RERE: variants seen among roughly 807,000 people sequenced by gnomAD.
The protein encoded by RERE is arginine-glutamic acid dipeptide repeats, also known as arginine-glutamic acid dipeptide repeats protein.
Under a neutral mutation model 146.1 loss-of-function variants are expected in RERE, and 40 were observed. The observed-to-expected ratio is 0.27, with a 90% CI of 0.21 to 0.36. The LOEUF (loss-of-function observed/expected upper bound fraction) is 0.36. RERE is among the 10% of genes least tolerant of loss of function. The probability of loss-of-function intolerance (pLI) is 1.00; values close to 1 mark genes in which losing one functional copy is unlikely to be tolerated. For synonymous variants in RERE, 1,003 were observed against 866.0 expected (o/e 1.16, Z -2.78); for missense variants, 1,933 against 2,138.7 (o/e 0.90, Z 1.90).
At chr1:8,773,366 A>G (rs1323372058) in intron 1 of RERE, among the ~76,000 whole-genome samples, 2 of 152,216 alleles carry the variant, frequency 1.3e-5, no homozygotes, top group African/African-American at 4.8e-5. Flanking sequence ...ATATGTCTTC[A>G]TAACAACTCT....
intron 1 of RERE, among the ~76,000 whole-genome samples, chr1:8,736,707 T>A (rs188705629): frequency 1.4e-4 from 22 of 152,254 alleles, no homozygotes; most frequent in Admixed American, 7.8e-4. Flanking sequence ...TTCCATCATT[T>A]TACCCAAGGG....
At chr1:8,761,794 T>C (rs571120488) in intron 1 of RERE, among the ~76,000 whole-genome samples, 3 of 152,176 alleles carry the variant, frequency 2.0e-5, no homozygotes, top group Admixed American at 2.0e-4. Context: ...TGGTGGTGCA[T>C]GCCTGTAATC....
intron 7 of RERE, among the ~76,000 whole-genome samples, chr1:8,540,706 G>GCT (rs1428126695): frequency 1.3e-5 from 2 of 152,178 alleles, no homozygotes; most frequent in African/African-American, 4.8e-5. Flanking sequence ...TTACCAAGAT[G>GCT]TTTTGAGAAC....
chr1:8,591,099 ACT>A (rs1646487062), intron 4 of RERE, among the ~76,000 whole-genome samples: 1 of 152,120 alleles, frequency 6.6e-6, no homozygotes. Flanking sequence ...TCCAACTGAG[ACT>A]CTGAAGAGAA....
intron 4 of RERE, among the ~76,000 whole-genome samples, chr1:8,563,306 G>C (rs1169365162): frequency 6.6e-6 from 1 of 152,186 alleles, no homozygotes; most frequent in African/African-American, 2.4e-5. Context: ...AATCGAGGGG[G>C]TATCTGGATA....
chr1:8,527,975 A>G (rs1278009144), intron 7 of RERE, among the ~76,000 whole-genome samples: 1 of 152,178 alleles, frequency 6.6e-6, no homozygotes, highest in Non-Finnish European at 1.5e-5. Context: ...CTCTCTGGGG[A>G]ACTGCACCTC....
At chr1:8,413,196 T>C (rs1047981179) in intron 12 of RERE, among the ~76,000 whole-genome samples, 7 of 152,054 alleles carry the variant, frequency 4.6e-5, no homozygotes, top group Admixed American at 4.6e-4. Flanking sequence ...CATAAAGAGG[T>C]ATTAAAATGA....
At chr1:8,803,710 A>G (rs1641632218) in intron 1 of RERE, among the ~76,000 whole-genome samples, 2 of 150,624 alleles carry the variant, frequency 1.3e-5, no homozygotes, top group Non-Finnish European at 2.9e-5. Context: ...CTACAGGTGC[A>G]CACCACCATG....
At chr1:8,742,438 C>T (rs768106510) in intron 1 of RERE, among the ~76,000 whole-genome samples, 9 of 152,088 alleles carry the variant, frequency 5.9e-5, no homozygotes, top group Non-Finnish European at 8.8e-5. Context: ...TAGCCAAATC[C>T]GTAATAGTGA....
chr1:8,361,642 C>T, intron 17 of RERE, 121 bp downstream of exon 17: 1 of 1,326,824 alleles, frequency 7.5e-7, no homozygotes, highest in Non-Finnish European at 1.1e-6. Flanking sequence ...CAGCCAGTGT[C>T]AAAGGCCACT....
At chr1:8,515,096 C>T (rs185320623) in intron 7 of RERE, among the ~76,000 whole-genome samples, 2 of 152,290 alleles carry the variant, frequency 1.3e-5, no homozygotes, top group Admixed American at 6.5e-5. Context: ...CAGCACTACA[C>T]GTGGTGGTGC....
chr1:8,609,705 A>G (rs1646768147), intron 4 of RERE, among the ~76,000 whole-genome samples: 1 of 152,248 alleles, frequency 6.6e-6, no homozygotes, highest in African/African-American at 2.4e-5. Context: ...TAATACAATC[A>G]GCATTTCCAA....
chr1:8,359,738 T>C (rs1641477500), intron 19 of RERE, 26 bp downstream of exon 19: 6 of 1,596,638 alleles, frequency 3.8e-6, no homozygotes, highest in Non-Finnish European at 5.1e-6. Context: ...GCGCCCCCCG[T>C]CACACCTCGC....
chr1:8,457,504 A>G (rs1644466072), intron 11 of RERE, among the ~76,000 whole-genome samples: 1 of 152,248 alleles, frequency 6.6e-6, no homozygotes, highest in Admixed American at 6.5e-5. Context: ...TAGAGAAGAT[A>G]CAAAATAGGC....
intron 11 of RERE, among the ~76,000 whole-genome samples, chr1:8,451,361 G>A (rs1644388475): frequency 6.6e-6 from 1 of 152,188 alleles, no homozygotes; most frequent in African/African-American, 2.4e-5. Flanking sequence ...GAACCCGGAA[G>A]GCAGAGGTTG....
chr1:8,767,683 A>T (rs1050612019), intron 1 of RERE, among the ~76,000 whole-genome samples: 2 of 32,928 alleles, frequency 6.1e-5, no homozygotes, highest in African/African-American at 1.5e-4. Context: ...TTTCTTTATT[A>T]AAAAAAATTA....
At chr1:8,806,236 C>T (rs1011034431) in intron 1 of RERE, among the ~76,000 whole-genome samples, 1 of 151,968 alleles carries the variant, frequency 6.6e-6, no homozygotes, top group East Asian at 1.9e-4. Flanking sequence ...TTGTTATTAT[C>T]AATAATTTTT....
At chr1:8,358,104 AAC>A (rs1431272274) in intron 20 of RERE, 90 bp downstream of exon 20, 41 of 1,510,200 alleles carry the variant, frequency 2.7e-5, no homozygotes, top group Admixed American at 4.2e-5. Flanking sequence ...TTCAGAAAAG[AAC>A]AGTTTCCGCT....
chr1:8,552,393 C>T (rs1044965289), intron 6 of RERE, among the ~76,000 whole-genome samples: 1 of 152,204 alleles, frequency 6.6e-6, no homozygotes, highest in Non-Finnish European at 1.5e-5. Flanking sequence ...TGGTGCTAAG[C>T]ACTAACATGA....
Sources: gnomAD v4.1 joint callset for allele counts (sites outside exome capture counted in the v4.1 genomes callset) on GRCh38, gnomAD v4.1.1 for gene constraint, MANE v1.5 for transcripts, NCBI Gene and HGNC (gene_info 2026-07-23, HGNC 2026-07-21) for gene names.